PCDHGB4: variants seen among roughly 807,000 people sequenced by gnomAD.
PCDHGB4 encodes the protein protocadherin gamma subfamily B, 4, also known as protocadherin gamma-B4.
In PCDHGB4, 38 loss-of-function variants were observed where a neutral mutation model predicts 60.5. That is an observed-to-expected ratio of 0.63 (90% confidence interval 0.48 to 0.82). The LOEUF is 0.82. Ranked by LOEUF, PCDHGB4 falls within the 40% of genes least tolerant of loss-of-function variation. PCDHGB4 has a pLI of 0.00. For synonymous variants in PCDHGB4, 456 were observed against 509.7 expected (o/e 0.89, Z 1.42); for missense variants, 1,109 against 1,209.6 (o/e 0.92, Z 1.23).
chr5:141,399,056 A>G (rs945298198), intron 1 of PCDHGB4: 24 of 1,613,834 alleles, frequency 1.5e-5, no homozygotes, highest in African/African-American at 1.2e-4. Flanking sequence ...GAGACCAAGG[A>G]ATATTCAATG....
rs780541121 is a variant in PCDHGB4 at position 141,477,533 on chromosome 5, G to A, written c.2398-17274G>A. ...TTACATTGAAGAAAACAACCTCCCCGGGGCTCCAATACTAAACCTAAGTGT... is the reference window on the plus strand; with the variant it reads ...TTACATTGAAGAAAACAACCTCCCCAGGGCTCCAATACTAAACCTAAGTGT... On this transcript the variant is annotated intron_variant, in intron 1 of 3. Coordinates refer to ENST00000519479, the MANE Select transcript of PCDHGB4 (RefSeq NM_003736.4). This position sits in a 1 kb window ranked among gnomAD's most constrained non-coding sequence, Gnocchi z 4.9. The A allele has an allele frequency of 6.2e-7, 1 of 1,614,010 alleles. No individual in the cohort carries two copies. The highest frequency in any genetic ancestry group is 1.1e-5 in the South Asian group (1 of 91,066).
chr5:141,475,128 C>T (rs775275292), intron 1 of PCDHGB4, among the ~76,000 whole-genome samples: 3 of 151,894 alleles, frequency 2.0e-5, no homozygotes, highest in Non-Finnish European at 4.4e-5. Context: ...GGCTTTTTTT[C>T]TTTTTGAAAT....
chr5:141,427,855 G>T (rs2097079766), intron 1 of PCDHGB4: 1 of 1,553,826 alleles, frequency 6.4e-7, no homozygotes, highest in Non-Finnish European at 8.8e-7. Flanking sequence ...GAGCAGCTGT[G>T]CGCCTTCGAG....
chr5:141,494,142 A>AAGACAACT (rs2099752181), intron 1 of PCDHGB4, among the ~76,000 whole-genome samples: 5 of 152,090 alleles, frequency 3.3e-5, no homozygotes, highest in Admixed American at 6.5e-5. Context: ...TTAGTCACAG[A>AAGACAACT]CCATTGTCTG....
In PCDHGB4 at chr5:141,402,880, A is replaced by T; in HGVS notation, c.2397+12599A>T. The T allele has an allele frequency of 1.4e-6, 2 of 1,474,944 alleles. 1 individual carries two copies. The highest frequency in any genetic ancestry group is 2.9e-5 in the South Asian group (2 of 68,686). 91.4% of individuals were successfully genotyped at this position (1,474,944 alleles called of 1,614,324 possible). On this transcript the variant is annotated intron_variant, in intron 1 of 3. Coordinates refer to ENST00000519479, the MANE Select transcript of PCDHGB4 (RefSeq NM_003736.4). ...TAAGGAAAAGATCACCATACTTTGCAGGGTGGAAGAAAGAACCTGATGAAG... is the reference window on the plus strand; with the variant it reads ...TAAGGAAAAGATCACCATACTTTGCTGGGTGGAAGAAAGAACCTGATGAAG...
chr5:141,436,813 G>A (rs537103294), intron 1 of PCDHGB4, among the ~76,000 whole-genome samples: 91 of 152,320 alleles, frequency 6.0e-4, no homozygotes, highest in Non-Finnish European at 1.1e-3. Flanking sequence ...TGTGACAGCT[G>A]GTTTAAAAAT....
chr5:141,454,974 A>AT (rs2098808620), intron 1 of PCDHGB4, among the ~76,000 whole-genome samples: 1 of 151,182 alleles, frequency 6.6e-6, no homozygotes, highest in African/African-American at 2.4e-5. Context: ...CGCCTGGCTA[A>AT]TTTTTTAAAA....
chr5:141,421,586 T>A (rs750525078), intron 1 of PCDHGB4: 2 of 1,613,602 alleles, frequency 1.2e-6, no homozygotes, highest in Admixed American at 3.3e-5. Context: ...ATTTACGGAG[T>A]GGAGGTGGAA....
chr5:141,398,145 G>A, intron 1 of PCDHGB4: 2 of 1,520,796 alleles, frequency 1.3e-6, no homozygotes, highest in Admixed American at 4.8e-5. Context: ...GCGGCGCCGG[G>A]GAGCTGGGCC....
chr5:141,450,386 A>T (rs1208546397), intron 1 of PCDHGB4, among the ~76,000 whole-genome samples: 2 of 152,192 alleles, frequency 1.3e-5, no homozygotes, highest in Non-Finnish European at 2.9e-5. Flanking sequence ...TGAAACTGAC[A>T]TTTGTAAAGA....
chr5:141,472,980 C>CAAAAAAAAAAAAAAAAAAGAAAAAAAA (rs60579131), intron 1 of PCDHGB4, among the ~76,000 whole-genome samples: 1 of 86,106 alleles, frequency 1.2e-5, no homozygotes, highest in Non-Finnish European at 2.5e-5. Flanking sequence ...GAGTGAAACT[C>CAAAAAAAAAAAAAAAAAAGAAAAAAAA]AAAAAAAAAA....
intron 1 of PCDHGB4, among the ~76,000 whole-genome samples, chr5:141,445,332 A>G (rs1364481039): frequency 1.4e-4 from 22 of 152,140 alleles, no homozygotes; most frequent in Admixed American, 1.4e-3. Context: ...CCATCCAGAA[A>G]CAGTAAACAT....
chr5:141,404,109 TCCAGGAGAATCTATCTTTTA>T, intron 1 of PCDHGB4: 1 of 1,613,518 alleles, frequency 6.2e-7, no homozygotes, highest in East Asian at 2.2e-5. Flanking sequence ...GTCTGTTCTA[TCCAGGAGAATCTATCTTTTA>T]CATTAGAAAA....
chr5:141,416,791 G>C (rs1389798483), intron 1 of PCDHGB4: 1 of 152,166 alleles, frequency 6.6e-6, no homozygotes, highest in Non-Finnish European at 1.5e-5. Flanking sequence ...TCTACTAAAT[G>C]TGGTAGTATA....
chr5:141,476,754 T>G lies in PCDHGB4; in HGVS notation c.2398-18053T>G. 1 of 1,613,926 alleles carries G rather than the reference T, an allele frequency of 6.2e-7. No individual in the cohort carries two copies. The highest frequency in any genetic ancestry group is 1.1e-5 in the South Asian group (1 of 91,084). On this transcript the variant is annotated intron_variant, in intron 1 of 3. Coordinates refer to ENST00000519479, the MANE Select transcript of PCDHGB4 (RefSeq NM_003736.4). The surrounding 1 kb of genome is among the most constrained non-coding windows in gnomAD (Gnocchi z 7.6). Reference sequence around the variant, plus strand: ...GAACGGGAGCCTAGTCTCCAGTTAGTGCTGACGGCGTTGGACGGAGGGACC... The same window carrying G: ...GAACGGGAGCCTAGTCTCCAGTTAGGGCTGACGGCGTTGGACGGAGGGACC...
chr5:141,451,212 G>A (rs2098710632), intron 1 of PCDHGB4, among the ~76,000 whole-genome samples: 1 of 152,156 alleles, frequency 6.6e-6, no homozygotes, highest in Non-Finnish European at 1.5e-5. Context: ...AAACTTAGTG[G>A]CTTAAAAGAA....
At chr5:141,415,394 C>A (rs893251079) in intron 1 of PCDHGB4, 29 of 1,614,110 alleles carry the variant, frequency 1.8e-5, no homozygotes, top group Non-Finnish European at 2.3e-5. Context: ...ACAGGTGTGT[C>A]CGGCTCGCAC....
intron 1 of PCDHGB4, chr5:141,422,118 ACAAACTGGAGAAGTT>A (rs1243312753): frequency 6.2e-7 from 1 of 1,604,312 alleles, no homozygotes; most frequent in Non-Finnish European, 8.5e-7. Flanking sequence ...AATTGGATTC[ACAAACTGGAGAAGTT>A]CAAGTACGGG....
chr5:141,388,764 T>A lies in PCDHGB4; in HGVS notation c.880T>A (p.Ser294Thr). The A allele has an allele frequency of 6.2e-7, 1 of 1,613,990 alleles. No individual in the cohort carries two copies. ...CCAGATCACCCAATTTGACCTGAAC[T>A]CTAACACCGGGGAAATTACTGTTTT... ...ASQITQFDLN[S>T]NTGEITVLNT... is the part of the protein sequence containing the mutation. The change falls in exon 1 of 4, where the codon TCT (serine) becomes ACT (threonine). Residue 294 changes from serine to threonine, a missense_variant. Ser to Thr is a moderately conservative substitution (Grantham distance 58). Around this residue, in one of 2 missense-constraint regions of PCDHGB4, gnomAD observed 1,068 missense variants for 1,089.9 expected, o/e 0.98. Transcript: ENST00000519479.
Sources: gnomAD v4.1 joint callset for allele counts (sites outside exome capture counted in the v4.1 genomes callset) on GRCh38, gnomAD v4.1.1 for gene constraint, gnomAD v4.1.1 regional missense constraint, Gnocchi (gnomAD v3.1) non-coding constraint, MANE v1.5 for transcripts, NCBI Gene and HGNC (gene_info 2026-07-23, HGNC 2026-07-21) for gene names.